AGFG1: variants seen among roughly 807,000 people sequenced by gnomAD.
The protein encoded by AGFG1 is ArfGAP with FG repeats 1, also known as arf-GAP domain and FG repeat-containing protein 1.
Under a neutral mutation model 60.6 loss-of-function variants are expected in AGFG1, and 10 were observed. The observed-to-expected ratio is 0.16, with a 90% CI of 0.10 to 0.28. The LOEUF (loss-of-function observed/expected upper bound fraction) is 0.28. Ranked by LOEUF, AGFG1 falls within the 10% of genes least tolerant of loss-of-function variation. The pLI is 1.00. For synonymous variants in AGFG1, 247 were observed against 242.9 expected, an observed-to-expected ratio of 1.02 and a Z score of -0.16; for missense variants, 537 against 676.5, an observed-to-expected ratio of 0.79 and a Z score of 2.29.
intron 6 of AGFG1, chr2:227,532,218 T>G (rs1232316511): frequency 6.5e-7 from 1 of 1,540,912 alleles, no homozygotes; most frequent in Non-Finnish European, 8.8e-7. Flanking sequence ...CAGTAAGTTC[T>G]GTTGTCAAGT....
At chr2:227,502,331 A>G (rs1282775375) in intron 2 of AGFG1, among the ~76,000 whole-genome samples, 1 of 151,234 alleles carries the variant, frequency 6.6e-6, no homozygotes, top group Admixed American at 6.6e-5. Flanking sequence ...TTTTGTTTTT[A>G]ATTTTTTGAG....
At chr2:227,537,087 C>A (rs1397205045) in intron 10 of AGFG1, 94 bp downstream of exon 10, 9 of 1,034,336 alleles carry the variant, frequency 8.7e-6, no homozygotes, top group Non-Finnish European at 1.3e-5. Flanking sequence ...GGGCCTCTTT[C>A]TTAGTGAAGT....
chr2:227,532,304 T>A, intron 6 of AGFG1: 1 of 903,946 alleles, frequency 1.1e-6, no homozygotes, highest in Non-Finnish European at 1.6e-6. Context: ...AATAATTCTT[T>A]AGTGATAATC....
intron 2 of AGFG1, among the ~76,000 whole-genome samples, chr2:227,509,667 G>A (rs982069580): frequency 2.0e-5 from 3 of 152,044 alleles, no homozygotes; most frequent in Non-Finnish European, 2.9e-5. Context: ...TAAAGGGTAT[G>A]TGGGATGTGT....
intron 2 of AGFG1, among the ~76,000 whole-genome samples, chr2:227,514,675 T>A (rs1026259816): frequency 6.6e-6 from 1 of 152,208 alleles, no homozygotes; most frequent in African/African-American, 2.4e-5. Context: ...GCAGTCTGAT[T>A]CCCTTGTCCA....
chr2:227,542,092 C>A (rs1460579434), intron 10 of AGFG1, among the ~76,000 whole-genome samples: 2 of 152,188 alleles, frequency 1.3e-5, no homozygotes, highest in African/African-American at 4.8e-5. Context: ...AATATACAAT[C>A]ATGTCATCTG....
intron 2 of AGFG1, among the ~76,000 whole-genome samples, chr2:227,512,056 T>G (rs1295587413): frequency 6.6e-6 from 1 of 152,186 alleles, no homozygotes; most frequent in Non-Finnish European, 1.5e-5. Context: ...AATAAATTAC[T>G]TTTAAAGAAA....
chr2:227,540,256 C>A (rs1252177146), intron 10 of AGFG1, among the ~76,000 whole-genome samples: 1 of 149,422 alleles, frequency 6.7e-6, no homozygotes, highest in East Asian at 2.0e-4. Flanking sequence ...AGGTTTGTTA[C>A]ATATGTATAC....
intron 10 of AGFG1, among the ~76,000 whole-genome samples, chr2:227,542,171 G>T (rs1203201658): frequency 1.3e-5 from 2 of 152,204 alleles, no homozygotes; most frequent in Admixed American, 6.5e-5. Context: ...TTGCCTGATT[G>T]CCCTGGCCAG....
intron 1 of AGFG1, among the ~76,000 whole-genome samples, chr2:227,490,007 G>A (rs547173058): frequency 2.8e-4 from 42 of 152,054 alleles, no homozygotes; most frequent in African/African-American, 9.9e-4. Flanking sequence ...GTAAAGACAG[G>A]GTTTTGCCAT....
chr2:227,488,247 C>G (rs1185269957), intron 1 of AGFG1, among the ~76,000 whole-genome samples: 1 of 152,316 alleles, frequency 6.6e-6, no homozygotes, highest in Non-Finnish European at 1.5e-5. Flanking sequence ...TGAATACCTT[C>G]TTTGTGCATT....
intron 1 of AGFG1, among the ~76,000 whole-genome samples, chr2:227,486,080 G>A (rs566664679): frequency 6.2e-4 from 94 of 152,272 alleles, no homozygotes; most frequent in African/African-American, 2.2e-3. Flanking sequence ...TAACCTGAAG[G>A]TATTTTATTT....
At chr2:227,534,672 A>G (rs1409746465) in intron 7 of AGFG1, among the ~76,000 whole-genome samples, 173 bp from the exon 8 acceptor site, 1 of 152,222 alleles carries the variant, frequency 6.6e-6, no homozygotes, top group Admixed American at 6.5e-5. Flanking sequence ...AGTGGTATGT[A>G]TAACAACTAA....
In AGFG1 at chr2:227,555,229, T is replaced by A. The variant is rs955194112; in HGVS notation, c.*734T>A. On this transcript the variant is annotated 3_prime_UTR_variant, in exon 13 of 13. Coordinates refer to ENST00000310078, the MANE Select transcript of AGFG1 (RefSeq NM_004504.5). ...TTCTTAAAAGACTTCTTAGTGACTT[T>A]TTATAAAAAGGCCATGTAGAAAATT... is the stretch of plus-strand genomic sequence containing the variant. 1.3e-5 allele frequency: 2 copies of A among 152,626 alleles called. No individual in the cohort carries two copies. The highest frequency in any genetic ancestry group is 4.8e-5 in the African/African-American group (2 of 41,468). The allele number at this position is 152,626 out of a possible 1,614,324, so 9.5% of individuals were successfully genotyped here.
intron 2 of AGFG1, among the ~76,000 whole-genome samples, chr2:227,518,058 A>G (rs1691707516): frequency 6.6e-6 from 1 of 152,232 alleles, no homozygotes; most frequent in South Asian, 2.1e-4. Flanking sequence ...AATATGCAGT[A>G]TATACGTTTT....
chr2:227,554,695 A>G lies in AGFG1; in HGVS notation c.*200A>G, dbSNP rs1227075566. The G allele has an allele frequency of 2.1e-6, 1 of 481,574 alleles. No homozygotes were observed. 29.8% of individuals were successfully genotyped at this position (481,574 alleles called of 1,614,324 possible). On this transcript the variant is annotated 3_prime_UTR_variant, in exon 13 of 13. Transcript: ENST00000310078. ...AACACCTTCTAACCTGTGAATTGGC[A>G]GAAAAGGGTAGCGGTATCATGTATA...
Position 227,495,965 on chromosome 2 carries a change from A to C in AGFG1, c.261+4325A>C, listed in dbSNP as rs1001210933. Among the ~76,000 whole-genome samples, 4 of 151,630 alleles carry C rather than the reference A, an allele frequency of 2.6e-5. No homozygotes were observed. In the East Asian group the frequency reaches 5.8e-4, roughly 22 times the overall value. ...TAAAAATATATATATATTAAAAAAA[A>C]AAATTAGCCAGGCATGGTGGTGTGT... On this transcript the variant is annotated intron_variant, in intron 2 of 12. Transcript: ENST00000310078.
At chr2:227,485,422 T>TC (rs1321087429) in intron 1 of AGFG1, among the ~76,000 whole-genome samples, 1 of 131,438 alleles carries the variant, frequency 7.6e-6, no homozygotes, top group African/African-American at 2.8e-5. Context: ...TTTTTTTTTT[T>TC]CCAGTAGAGA....
intron 1 of AGFG1, among the ~76,000 whole-genome samples, chr2:227,484,259 G>T (rs1004706358): frequency 2.0e-5 from 3 of 152,046 alleles, no homozygotes; most frequent in African/African-American, 7.2e-5. Context: ...CGTGATCTCG[G>T]CTCACTGCAA....
Sources: allele counts gnomAD v4.1 joint callset (sites outside exome capture counted in the v4.1 genomes callset), GRCh38; gene constraint gnomAD v4.1.1; transcripts MANE v1.5; gene names NCBI Gene and HGNC (gene_info 2026-07-23, HGNC 2026-07-21).